The following ATAD3B variants were observed in gnomAD, a reference collection of about 807,000 sequenced individuals.
The protein encoded by ATAD3B is ATPase family AAA domain-containing protein 3B.
A neutral mutation model predicts 70.2 loss-of-function variants in ATAD3B; 59 were observed. That is an observed-to-expected ratio of 0.84 (90% confidence interval 0.68 to 1.04). The LOEUF (loss-of-function observed/expected upper bound fraction) is 1.04, where lower values mean the gene tolerates loss of function less well. ATAD3B is among the 50% of genes least tolerant of loss of function. ATAD3B has a pLI of 0.00. For missense variants in ATAD3B, 961 were observed against 913.4 expected (o/e 1.05, Z -0.67); for synonymous variants, 423 against 388.6 (o/e 1.09, Z -1.04).
At chr1:1,500,819 T>A (rs896425720), downstream of ATAD3B, among the ~76,000 whole-genome samples, 1 of 148,566 alleles carries the variant, frequency 6.7e-6, no homozygotes, top group African/African-American at 2.5e-5. Context: ...TAGCCGGGCG[T>A]GGTAGCAGGT....
intron 7 of ATAD3B, 199 bp downstream of exon 7, chr1:1,482,813 G>A (rs1639992094): frequency 1.3e-6 from 1 of 780,894 alleles, no homozygotes; most frequent in Non-Finnish European, 2.1e-6. Context: ...TTGCCAGCCT[G>A]GGCCACACGG....
downstream of ATAD3B, among the ~76,000 whole-genome samples, chr1:1,501,906 G>A (rs1423371803): frequency 6.6e-6 from 1 of 151,814 alleles, no homozygotes; most frequent in South Asian, 2.1e-4. Context: ...TTGAGATGGA[G>A]TCTCACTCGT....
In ATAD3B at chr1:1,478,090, C is replaced by G. The variant is rs575787576; in HGVS notation, c.283-554C>G. On this transcript the variant is annotated intron_variant, in intron 2 of 15. Coordinates refer to ENST00000673477, the MANE Select transcript of ATAD3B (RefSeq NM_031921.6). ...GATCTCGGCTCACTGCAACCTCCACCTCCCGGGTTCAACCTCCTGCCTCAG... is the reference window on the plus strand; with the variant it reads ...GATCTCGGCTCACTGCAACCTCCACGTCCCGGGTTCAACCTCCTGCCTCAG... 13 of 192,172 alleles carry G rather than the reference C, an allele frequency of 6.8e-5. No individual in the cohort carries two copies. In the South Asian group the frequency reaches 1.1e-3, roughly 17 times the overall value. 11.9% of individuals were successfully genotyped at this position (192,172 alleles called of 1,614,324 possible).
chr1:1,488,259 CA>C (rs1397563494), intron 12 of ATAD3B, among the ~76,000 whole-genome samples: 3 of 151,868 alleles, frequency 2.0e-5, no homozygotes, highest in African/African-American at 7.2e-5. Context: ...CCCAGCCATA[CA>C]GTTATTATTT....
Position 1,487,737 on chromosome 1 carries a change from C to G in ATAD3B, c.1215-126C>G, listed in dbSNP as rs1031185579. ...TCTGTCGAGTCCAGGACTTAGGGCT[C>G]CTGATGGGGCAGAGCCTGACCCCGT... On this transcript the variant is annotated intron_variant, in intron 11 of 15. Coordinates refer to ENST00000673477, the MANE Select transcript of ATAD3B (RefSeq NM_031921.6). 7.4e-6 allele frequency: 9 copies of G among 1,211,514 alleles called. No homozygotes were observed. The East Asian group carries it at 9.3e-5, about 13-fold the overall frequency. 75.0% of individuals were successfully genotyped at this position (1,211,514 alleles called of 1,614,324 possible).
chr1:1,478,347 C>A, intron 2 of ATAD3B: 1 of 1,354,740 alleles, frequency 7.4e-7, no homozygotes, highest in East Asian at 2.5e-5. Context: ...CATCACAGTC[C>A]AAAAGTGAGC....
chr1:1,489,889 C>T (rs1318909079), intron 13 of ATAD3B: 3 of 1,219,586 alleles, frequency 2.5e-6, no homozygotes, highest in African/African-American at 1.6e-5. Flanking sequence ...GCTTCTGGCT[C>T]GCATGGCCAT....
the ATAD3B span, chr1:1,509,158 G>C: frequency 7.2e-6 from 11 of 1,525,422 alleles, no homozygotes; most frequent in Admixed American, 3.5e-5. Context: ...CATTTGGGGT[G>C]GGGGGTTCCC....
intron 6 of ATAD3B, 49 bp from the exon 7 acceptor site, chr1:1,482,496 G>A (rs774145427): frequency 6.8e-6 from 11 of 1,613,192 alleles, no homozygotes; most frequent in African/African-American, 1.3e-5. Flanking sequence ...CTCGCTGCGT[G>A]GTACGGATCT....
chr1:1,474,276 C>T (rs1381655935), intron 1 of ATAD3B, among the ~76,000 whole-genome samples: 7 of 149,010 alleles, frequency 4.7e-5, no homozygotes, highest in African/African-American at 1.5e-4. Context: ...CTGCAAGCTC[C>T]GCCTCCTGGG....
At chr1:1,503,756 C>T in the ATAD3B span, 63 of 1,547,382 alleles carry the variant, frequency 4.1e-5, no homozygotes, top group Admixed American at 1.9e-4. Flanking sequence ...GGGCTGGTGG[C>T]ATGTACATGG....
intron 7 of ATAD3B, chr1:1,482,919 T>C (rs1639999704): frequency 1.9e-6 from 1 of 514,946 alleles, no homozygotes; most frequent in Non-Finnish European, 3.7e-6. Flanking sequence ...GAGGATCACT[T>C]AAGCCCAGGA....
At chr1:1,503,796 G>A in the ATAD3B span, 1 of 1,350,898 alleles carries the variant, frequency 7.4e-7, no homozygotes, top group Non-Finnish European at 1.0e-6. Flanking sequence ...CCGAGCTTGG[G>A]CGCCTCATTT....
chr1:1,474,455 G>A (rs1013523524), intron 1 of ATAD3B, among the ~76,000 whole-genome samples: 14 of 151,728 alleles, frequency 9.2e-5, no homozygotes, highest in African/African-American at 3.4e-4. Context: ...CACCCAAAGT[G>A]CTGGGATTAC....
At chr1:1,509,314 G>T in the ATAD3B span, 20 of 1,612,412 alleles carry the variant, frequency 1.2e-5, no homozygotes, top group Admixed American at 3.3e-4. Context: ...CTGAAGAGGG[G>T]GAGGCCTGGG....
chr1:1,473,644 CG>C (rs1284539259), intron 1 of ATAD3B, among the ~76,000 whole-genome samples: 1 of 151,190 alleles, frequency 6.6e-6, no homozygotes, highest in Non-Finnish European at 1.5e-5. Flanking sequence ...TACAGGCACG[CG>C]CCACCACGCC....
In ATAD3B at chr1:1,495,529, G is replaced by T; in HGVS notation, c.1659G>T (p.Met553Ile). 1.2e-6 allele frequency: 2 copies of T among 1,612,452 alleles called. No homozygotes were observed. Among genetic ancestry groups the T allele is most frequent in the South Asian group, 2.2e-5 (2 of 90,944 alleles). Residue 553 changes from methionine to isoleucine, a missense_variant, in exon 16 of 16, where the codon ATG (methionine) becomes ATT (isoleucine). Met to Ile is a conservative substitution (Grantham distance 10, BLOSUM62 1). Coordinates refer to ENST00000673477, the MANE Select transcript of ATAD3B (RefSeq NM_031921.6). ...ASKDGVLTEA[M>I]MDACVQDAVQ... The stretch of plus-strand genomic sequence containing the variant: ...AGGACGGGGTCCTCACTGAGGCCAT[G>T]ATGGACGCCTGTGTGCAAGATGCTG...
chr1:1,474,770 G>C lies in ATAD3B; in HGVS notation c.206-2504G>C, dbSNP rs147258004. ...CCCACCTCGGCCTCCCAAAGCGCTGGGATGACAGGCGTGAGCCGCTGCTCA... is the reference window on the plus strand; with the variant it reads ...CCCACCTCGGCCTCCCAAAGCGCTGCGATGACAGGCGTGAGCCGCTGCTCA... On this transcript the variant is annotated intron_variant, in intron 1 of 15. Transcript: ENST00000673477. Among the ~76,000 whole-genome samples the C allele has an allele frequency of 3.0e-4, 46 of 152,098 alleles. No homozygotes were observed. The Middle Eastern group carries it at 0.014, about 45-fold the overall frequency.
Position 1,496,099 on chromosome 1 carries a change from C to T in ATAD3B, c.*282C>T, listed in dbSNP as rs1570286702. 17 of 1,187,102 alleles carry T rather than the reference C, an allele frequency of 1.4e-5. 1 individual carries two copies. The highest frequency in any genetic ancestry group is 6.7e-5 in the South Asian group (2 of 30,002). The allele number at this position is 1,187,102 out of a possible 1,614,324, so 73.5% of individuals were successfully genotyped here. A position where few individuals can be genotyped will look rare whatever the true frequency, so the allele number is the denominator to read the frequency against. ...TGCTTCCAGCCATGGCCAGGGGCCA[C>T]GGAACCCGGCAGGGGTGTCTGAGGC... is the stretch of plus-strand genomic sequence containing the variant. On this transcript the variant is annotated 3_prime_UTR_variant, in exon 16 of 16. Transcript: ENST00000673477.
Sources: allele counts gnomAD v4.1 joint callset (sites outside exome capture counted in the v4.1 genomes callset), GRCh38; gene constraint gnomAD v4.1.1; transcripts MANE v1.5; gene names NCBI Gene and HGNC (gene_info 2026-07-23, HGNC 2026-07-21).